Variants in ACBD3 observed in about 807,000 individuals in gnomAD.
ACBD3 encodes Golgi resident protein GCP60.
In ACBD3, 30 loss-of-function variants were observed where a neutral mutation model predicts 66.9. The ratio of observed to expected loss-of-function variants is 0.45; its 90% CI spans 0.34 to 0.61. The LOEUF (loss-of-function observed/expected upper bound fraction) is 0.61. ACBD3 is among the 20% of genes least tolerant of loss of function. ACBD3 has a pLI of 0.02. For synonymous variants in ACBD3, 278 were observed against 259.8 expected, an observed-to-expected ratio of 1.07 and a Z score of -0.68; for missense variants, 544 against 664.5, an observed-to-expected ratio of 0.82 and a Z score of 1.99.
chr1:226,165,194 A>G (rs577901346), intron 2 of ACBD3, among the ~76,000 whole-genome samples: 1 of 151,544 alleles, frequency 6.6e-6, no homozygotes, highest in East Asian at 1.9e-4. Context: ...TTTTTGAGAT[A>G]GGATCTCACT....
At chr1:226,165,624 G>C (rs916771499) in intron 2 of ACBD3, among the ~76,000 whole-genome samples, 1 of 151,998 alleles carries the variant, frequency 6.6e-6, no homozygotes, top group African/African-American at 2.4e-5. Flanking sequence ...ATCAAATGAA[G>C]CTCTACTTGT....
chr1:226,159,246 G>A lies in ACBD3; in HGVS notation c.841C>T (p.Gln281Ter). 6.2e-7 allele frequency: 1 copy of A among 1,614,208 alleles called. No homozygotes were observed. The highest frequency in any genetic ancestry group is 8.5e-7 in the Non-Finnish European group (1 of 1,180,032). Residue 281 changes from glutamine (Q) to a stop codon, truncating the protein, a stop_gained, in exon 5 of 8, where the codon CAG (glutamine) becomes TAG (stop). Transcript: ENST00000366812. LOFTEE classifies it high-confidence loss of function. ...EQQQILIRQL[Q>*]EQHYQQYMQQ... ...ATGTACTGCTGATAGTGTTGCTCCT[G>A]CAACTGGCGGATGAGAATTTGCTGC...
intron 1 of ACBD3, among the ~76,000 whole-genome samples, chr1:226,170,532 G>C (rs1427453015): frequency 2.0e-5 from 3 of 151,752 alleles, no homozygotes; most frequent in Non-Finnish European, 4.4e-5. Flanking sequence ...TGTCAGTAAA[G>C]ATAAAATCAC....
rs114562903 is a variant in ACBD3 at position 226,168,449 on chromosome 1, T to C, written c.287-2449A>G. Among the ~76,000 whole-genome samples the C allele has an allele frequency of 4.0e-3, 602 of 152,310 alleles. 4 individuals carry two copies. Among genetic ancestry groups the C allele is most frequent in the African/African-American group, 0.014 (572 of 41,562 alleles). The stretch of plus-strand genomic sequence containing the variant: ...AAGGAGGCAGATACAAGGACATTCA[T>C]TGCAGCACTATTTTCTTGTTACTGG... On this transcript the variant is annotated intron_variant, in intron 1 of 7. Transcript: ENST00000366812.
intron 1 of ACBD3, among the ~76,000 whole-genome samples, chr1:226,173,743 TTTTTTTTTCTTTTC>T (rs1416867120): frequency 1.5e-5 from 2 of 136,230 alleles, no homozygotes; most frequent in South Asian, 2.1e-4. Context: ...AATTTTCTTC[TTTTTTTTTCTTTTC>T]TTTTTTTTTT....
At chr1:226,173,152 G>A (rs1285168306) in intron 1 of ACBD3, among the ~76,000 whole-genome samples, 2 of 152,034 alleles carry the variant, frequency 1.3e-5, no homozygotes, top group Non-Finnish European at 2.9e-5. Context: ...GTGTACCACA[G>A]TCCCAGCTAC....
At position 226,159,352 on chromosome 1, in the gene ACBD3, C is replaced by T. The variant is rs1659729361; in HGVS notation, c.735G>A (p.Gln245=). 6.2e-7 allele frequency: 1 copy of T among 1,614,116 alleles called. No homozygotes were observed. The highest frequency in any genetic ancestry group is 8.5e-7 in the Non-Finnish European group (1 of 1,179,990). The change falls in exon 5 of 8, where the codon CAG becomes CAA. Residue 245 remains glutamine (Q), a synonymous_variant. Transcript: ENST00000366812. ...ERLRLEQQKQ[Q]IMAALNSQTA... ...TCTGGGAGTTTAAAGCTGCCATTATCTGCTGCCTAAAAACATTAAAAATAT... is the reference window on the plus strand; with the variant it reads ...TCTGGGAGTTTAAAGCTGCCATTATTTGCTGCCTAAAAACATTAAAAATAT...
At chr1:226,185,620 TA>T (rs35485594) in intron 1 of ACBD3, among the ~76,000 whole-genome samples, 30,826 of 141,476 alleles carry the variant, frequency 0.22, 3,201 homozygotes, top group South Asian at 0.38. Flanking sequence ...ATCACCCAAT[TA>T]AAAAAAAAAA....
At chr1:226,183,883 T>TAAAAAA (rs56294022) in intron 1 of ACBD3, among the ~76,000 whole-genome samples, 1 of 72,762 alleles carries the variant, frequency 1.4e-5, no homozygotes, top group Non-Finnish European at 2.5e-5. Flanking sequence ...AAACTCTGCC[T>TAAAAAA]AAAAAAAAAA....
At chr1:226,180,106 G>A (rs1341518348) in intron 1 of ACBD3, among the ~76,000 whole-genome samples, 1 of 151,282 alleles carries the variant, frequency 6.6e-6, no homozygotes. Context: ...AGGAGGCGGA[G>A]GTTGCAGTAA....
Position 226,186,649 on chromosome 1 carries a change from T to C in ACBD3, c.27A>G (p.Arg9=). Residue 9 remains arginine (R), a synonymous_variant, in exon 1 of 8, where the codon CGA becomes CGG. Coordinates refer to ENST00000366812, the MANE Select transcript of ACBD3 (RefSeq NM_022735.4). MAAVLNAE[R]LEVSVDGLTL... is the part of the protein sequence containing the mutation. ...TGAGGCCGTCGACGGACACCTCGAG[T>C]CGCTCTGCGTTCAGCACCGCCGCCA... The C allele has an allele frequency of 4.6e-6, 7 of 1,512,894 alleles. No individual in the cohort carries two copies. Among genetic ancestry groups the C allele is most frequent in the Non-Finnish European group, 6.2e-6 (7 of 1,137,610 alleles). The allele number at this position is 1,512,894 out of a possible 1,614,324, so 93.7% of individuals were successfully genotyped here. A position where few individuals can be genotyped will look rare whatever the true frequency, so the allele number is the denominator to read the frequency against.
chr1:226,156,174 T>C (rs940500158), intron 5 of ACBD3, among the ~76,000 whole-genome samples: 3 of 152,234 alleles, frequency 2.0e-5, no homozygotes, highest in African/African-American at 4.8e-5. Context: ...CTGGTACCCC[T>C]TTCTGGGCAC....
At chr1:226,169,472 A>C (rs1342739518) in intron 1 of ACBD3, among the ~76,000 whole-genome samples, 2 of 149,548 alleles carry the variant, frequency 1.3e-5, no homozygotes, top group Non-Finnish European at 3.0e-5. Context: ...GATGGTCTCG[A>C]TCTCCTGACC....
intron 1 of ACBD3, among the ~76,000 whole-genome samples, chr1:226,183,012 A>G (rs1656205421): frequency 1.3e-5 from 2 of 152,188 alleles, no homozygotes; most frequent in African/African-American, 4.8e-5. Context: ...AGAATAGTTG[A>G]CGTAATTGAT....
At chr1:226,178,648 T>C (rs1361622165) in intron 1 of ACBD3, among the ~76,000 whole-genome samples, 1 of 151,604 alleles carries the variant, frequency 6.6e-6, no homozygotes, top group African/African-American at 2.4e-5. Flanking sequence ...ATATTTTTTC[T>C]CTTCTCTCTG....
chr1:226,164,968 G>C (rs530015809), intron 2 of ACBD3, 39 bp from the exon 3 acceptor site: 4 of 1,499,612 alleles, frequency 2.7e-6, no homozygotes, highest in African/African-American at 1.4e-5. Flanking sequence ...CCCCTTCTTA[G>C]TAGAATGAGA....
intron 1 of ACBD3, among the ~76,000 whole-genome samples, chr1:226,174,270 A>G (rs1655968715): frequency 6.6e-6 from 1 of 152,158 alleles, no homozygotes; most frequent in African/African-American, 2.4e-5. Context: ...TGCACTCATT[A>G]ATTATTAATA....
chr1:226,166,024 A>G, intron 1 of ACBD3, 24 bp from the exon 2 acceptor site: 3 of 1,597,500 alleles, frequency 1.9e-6, no homozygotes, highest in South Asian at 1.1e-5. Flanking sequence ...AAACACAAAG[A>G]AAACAATTAG....
Position 226,151,760 on chromosome 1 carries a change from C to A in ACBD3, c.1375+575G>T, listed in dbSNP as rs1246662458. Among the ~76,000 whole-genome samples, 3 of 152,194 alleles carry A rather than the reference C, an allele frequency of 2.0e-5. No individual in the cohort carries two copies. The East Asian group carries it at 5.8e-4, about 29-fold the overall frequency. ...CTGTGGCTCACGCCTGTAATCCCAG[C>A]ACTTTGGGAGGCCGAGGCGGGTGGA... On this transcript the variant is annotated intron_variant, in intron 7 of 7. Coordinates refer to ENST00000366812, the MANE Select transcript of ACBD3 (RefSeq NM_022735.4).
Sources: allele counts gnomAD v4.1 joint callset (sites outside exome capture counted in the v4.1 genomes callset), GRCh38; gene constraint gnomAD v4.1.1; transcripts MANE v1.5; gene names NCBI Gene and HGNC (gene_info 2026-07-23, HGNC 2026-07-21).